The following ZNF587 variants were observed in gnomAD, a reference collection of about 807,000 sequenced individuals.
ZNF587 encodes the protein zinc finger protein 587.
In ZNF587, 8 loss-of-function variants were observed where a neutral mutation model predicts 7.5. The observed-to-expected ratio is 1.06, with a 90% confidence interval of 0.62 to 1.92. The LOEUF is 1.92. ZNF587 is among the 40% of genes most tolerant of loss of function. The pLI, the probability that ZNF587 is intolerant of heterozygous loss-of-function variation, is 0.00. For missense variants in ZNF587, 468 were observed against 692.8 expected (o/e 0.68, Z 3.64); for synonymous variants, 145 against 237.8 (o/e 0.61, Z 3.59).
intron 1 of ZNF587, chr19:57,852,138 G>A (rs10425602): frequency 0.43 from 164,705 of 386,154 alleles, 37,337 homozygotes; most frequent in African/African-American, 0.63. Flanking sequence ...GGACTCTTAA[G>A]TGCCATTTTT....
chr19:57,855,920 A>T (rs2071349341), intron 1 of ZNF587, 184 bp from the exon 2 acceptor site: 2 of 1,042,646 alleles, frequency 1.9e-6, no homozygotes, highest in African/African-American at 3.2e-5. Flanking sequence ...TTGTCCACCT[A>T]CTTCTTGTTG....
chr19:57,856,258 TG>T (rs1355505359), intron 2 of ZNF587, 25 bp downstream of exon 2: 1 of 1,553,462 alleles, frequency 6.4e-7, no homozygotes, highest in Non-Finnish European at 8.7e-7. Context: ...CTCACCTTTG[TG>T]ACCTGAGCTA....
intron 1 of ZNF587, chr19:57,850,426 CAGTCTGG>C: frequency 3.6e-6 from 2 of 550,348 alleles, no homozygotes; most frequent in Non-Finnish European, 6.4e-6. Flanking sequence ...GAGTGCTGAT[CAGTCTGG>C]TTGGAGATGG....
In ZNF587 at chr19:57,860,369, T is replaced by C. The variant is rs543841112; in HGVS notation, c.*229T>C. On this transcript the variant is annotated 3_prime_UTR_variant, in exon 3 of 3. Coordinates refer to ENST00000339656, the MANE Select transcript of ZNF587 (RefSeq NM_032828.4). Reference sequence around the variant, plus strand: ...CTGCAACTTGGGCCTCCTGGGTTCATGCAATCCTCCTACCTCAGCCTCCTG... The same window carrying C: ...CTGCAACTTGGGCCTCCTGGGTTCACGCAATCCTCCTACCTCAGCCTCCTG... 333 of 691,328 alleles carry C rather than the reference T, an allele frequency of 4.8e-4. No individual in the cohort carries two copies. The highest frequency in any genetic ancestry group is 7.0e-4 in the Non-Finnish European group (294 of 420,332). 42.8% of individuals were successfully genotyped at this position (691,328 alleles called of 1,614,324 possible).
At position 57,856,248 on chromosome 19, in the gene ZNF587, C is replaced by A; in HGVS notation, c.163+15C>A. ...ATCCTCGCTGGGTAAGTTGCTCACGCTCACCTTTGTGACCTGAGCTAGTGT... is the reference window on the plus strand; with the variant it reads ...ATCCTCGCTGGGTAAGTTGCTCACGATCACCTTTGTGACCTGAGCTAGTGT... On this transcript the variant is annotated intron_variant, in intron 2 of 2. Transcript: ENST00000339656. 1.9e-6 allele frequency: 3 copies of A among 1,560,162 alleles called. No individual in the cohort carries two copies. The highest frequency in any genetic ancestry group is 1.9e-5 in the Admixed American group (1 of 52,546).
intron 2 of ZNF587, chr19:57,857,297 G>T (rs973048344): frequency 8.5e-5 from 13 of 152,072 alleles, no homozygotes; most frequent in African/African-American, 3.2e-4. Context: ...TATTTTTGGG[G>T]CAATATGAGT....
chr19:57,857,996 T>G (rs987542781), intron 2 of ZNF587: 2 of 154,602 alleles, frequency 1.3e-5, no homozygotes, highest in Non-Finnish European at 2.9e-5. Flanking sequence ...CACAACTTGT[T>G]TGTAGAGGAA....
chr19:57,851,098 C>G (rs1317982260), intron 1 of ZNF587: 1 of 152,026 alleles, frequency 6.6e-6, no homozygotes, highest in Admixed American at 6.6e-5. Context: ...CCTCAGAGGC[C>G]GCCCATGGCT....
chr19:57,850,184 ACT>A, intron 1 of ZNF587, 113 bp downstream of exon 1: 1 of 1,595,442 alleles, frequency 6.3e-7, no homozygotes, highest in Non-Finnish European at 8.6e-7. Context: ...GCGTAGGAAC[ACT>A]GAGGCGCTCA....
rs202133174 is a variant in ZNF587, at chr19:57,850,764, G to A, written c.33+693G>A. 75 of 393,184 alleles carry A rather than the reference G, an allele frequency of 1.9e-4. No homozygotes were observed. In the East Asian group the frequency reaches 2.5e-3, roughly 13 times the overall value. 24.4% of individuals were successfully genotyped at this position (393,184 alleles called of 1,614,324 possible). On this transcript the variant is annotated intron_variant, in intron 1 of 2. Transcript: ENST00000339656. ...CTCCACCCAGTTTATTGGTTTACAA[G>A]CTCTTTGTTCTTATGGCTGATTGGA...
chr19:57,858,180 C>T, intron 2 of ZNF587: 1 of 156,964 alleles, frequency 6.4e-6, no homozygotes, highest in South Asian at 1.5e-4. Flanking sequence ...GGCTGGGGTG[C>T]AGTGGCGTAA....
At chr19:57,850,377 A>G in intron 1 of ZNF587, 3 of 583,852 alleles carry the variant, frequency 5.1e-6, no homozygotes, top group Non-Finnish European at 9.0e-6. Context: ...CTGGGATCAG[A>G]GTTTTCAAAA....
chr19:57,855,742 T>C (rs567479867), intron 1 of ZNF587, among the ~76,000 whole-genome samples: 1 of 152,152 alleles, frequency 6.6e-6, no homozygotes, highest in Admixed American at 6.5e-5. Flanking sequence ...TTTGTATTTT[T>C]AGTAGAGACA....
rs1484931369 is a variant in ZNF587 at position 57,861,546 on chromosome 19, C to G, written c.*1406C>G. ...GTTTTACCTTTTTGCCCAGTCTGAT[C>G]GCGAACTCCTGGGCTCAGGCGATCC... is the stretch of plus-strand genomic sequence containing the variant. On this transcript the variant is annotated 3_prime_UTR_variant, in exon 3 of 3. Coordinates refer to ENST00000339656, the MANE Select transcript of ZNF587 (RefSeq NM_032828.4). The G allele has an allele frequency of 1.3e-5, 2 of 152,026 alleles. No homozygotes were observed. The highest frequency in any genetic ancestry group is 2.9e-5 in the Non-Finnish European group (2 of 68,032). The allele number at this position is 152,026 out of a possible 1,614,324, so 9.4% of individuals were successfully genotyped here. A position where few individuals can be genotyped will look rare whatever the true frequency, so the allele number is the denominator to read the frequency against.
intron 1 of ZNF587, among the ~76,000 whole-genome samples, chr19:57,853,039 G>C (rs2071302294): frequency 1.3e-5 from 2 of 151,436 alleles, no homozygotes; most frequent in Admixed American, 1.3e-4. Context: ...TTTTAGTAAA[G>C]TCGGGGTTTC....
chr19:57,860,709 C>A lies in ZNF587; in HGVS notation c.*569C>A. 6.4e-6 allele frequency: 1 copy of A among 155,324 alleles called. No individual in the cohort carries two copies. Among genetic ancestry groups the A allele is most frequent in the Admixed American group, 6.3e-5 (1 of 15,852 alleles). 9.6% of individuals were successfully genotyped at this position (155,324 alleles called of 1,614,324 possible). A position where few individuals can be genotyped will look rare whatever the true frequency, so the allele number is the denominator to read the frequency against. ...ATCAGCCTGGGCAACATAGCCAGAC[C>A]TCCTCTCTACAAAAAGAAAAAAGAA... On this transcript the variant is annotated 3_prime_UTR_variant, in exon 3 of 3. Transcript: ENST00000339656.
In ZNF587 at chr19:57,862,429, T is replaced by TA. The variant is rs2071444907; in HGVS notation, c.*2290dup. 6.6e-6 allele frequency: 1 copy of TA among 152,446 alleles called. No individual in the cohort carries two copies. The highest frequency in any genetic ancestry group is 1.9e-4 in the East Asian group (1 of 5,190). 9.4% of individuals were successfully genotyped at this position (152,446 alleles called of 1,614,324 possible). A position where few individuals can be genotyped will look rare whatever the true frequency, so the allele number is the denominator to read the frequency against. On this transcript the variant is annotated 3_prime_UTR_variant, in exon 3 of 3. Transcript: ENST00000339656. ...CTGAGGCTTTTGTCTTCTAGCTACT[T>TA]ACTTCATTCTCCATGGGTAACGTCA...
At chr19:57,853,126 T>C (rs193067499) in intron 1 of ZNF587, among the ~76,000 whole-genome samples, 2 of 152,304 alleles carry the variant, frequency 1.3e-5, no homozygotes, top group Admixed American at 6.5e-5. Context: ...GTGCTGGGAT[T>C]ATAGGCACGA....
chr19:57,855,464 A>G lies in ZNF587; in HGVS notation c.34-640A>G, dbSNP rs552802654. Among the ~76,000 whole-genome samples, 209 of 152,010 alleles carry G rather than the reference A, an allele frequency of 1.4e-3. 1 individual carries two copies. The highest frequency in any genetic ancestry group is 4.9e-3 in the African/African-American group (202 of 41,440). On this transcript the variant is annotated intron_variant, in intron 1 of 2. Coordinates refer to ENST00000339656, the MANE Select transcript of ZNF587 (RefSeq NM_032828.4). ...GTCTGTACAGTATAAAGAATGATAT[A>G]TATTTAATGAGAGCGAGGTTGTCTG...
Sources: gnomAD v4.1 joint callset for allele counts (sites outside exome capture counted in the v4.1 genomes callset) on GRCh38, gnomAD v4.1.1 for gene constraint, MANE v1.5 for transcripts, NCBI Gene and HGNC (gene_info 2026-07-23, HGNC 2026-07-21) for gene names.